CTNND1: variants seen among roughly 807,000 people sequenced by gnomAD.
CTNND1 encodes catenin delta-1.
A neutral mutation model predicts 112.1 loss-of-function variants in CTNND1; 16 were observed. That is an observed-to-expected ratio of 0.14 (90% CI 0.10 to 0.22). The LOEUF is 0.22. Among genes scored for constraint, CTNND1 ranks in the 10% least tolerant of loss-of-function variants. The probability of loss-of-function intolerance (pLI) is 1.00; values close to 1 mark genes in which losing one functional copy is unlikely to be tolerated. For synonymous variants in CTNND1, 420 were observed against 446.5 expected, an observed-to-expected ratio of 0.94 and a Z score of 0.75; for missense variants, 1,008 against 1,257.0, an observed-to-expected ratio of 0.80 and a Z score of 3.00.
At chr11:57,778,523 A>G (rs1249288178) in intron 1 of CTNND1, among the ~76,000 whole-genome samples, 3 of 152,200 alleles carry the variant, frequency 2.0e-5, no homozygotes, top group Non-Finnish European at 4.4e-5. Flanking sequence ...TTTTAGATCC[A>G]CACACAGTCT....
rs535787222 is a variant in CTNND1 at position 57,782,547 on chromosome 11, A to C, written c.-213-6490A>C. Among the ~76,000 whole-genome samples, 172 of 152,360 alleles carry C rather than the reference A, an allele frequency of 1.1e-3. 1 individual carries two copies. The highest frequency in any genetic ancestry group is 3.7e-3 in the African/African-American group (154 of 41,598). Reference sequence around the variant, plus strand: ...AAAAATGGAAGTGAGGTACAGAAACAGCTGGATTGGTTATGGCTCAGCTGG... The same window carrying C: ...AAAAATGGAAGTGAGGTACAGAAACCGCTGGATTGGTTATGGCTCAGCTGG... On this transcript the variant is annotated intron_variant, in intron 1 of 20. Transcript: ENST00000399050.
chr11:57,797,703 G>A (rs532064922), intron 6 of CTNND1, among the ~76,000 whole-genome samples: 8 of 150,806 alleles, frequency 5.3e-5, no homozygotes, highest in Non-Finnish European at 1.2e-4. Flanking sequence ...TTAGCTGGGC[G>A]TAGTGGTGCA....
Position 57,795,633 on chromosome 11 carries a change from T to A in CTNND1, c.324T>A (p.Ile108=). 2 of 1,608,894 alleles carry A rather than the reference T, an allele frequency of 1.2e-6. No individual in the cohort carries two copies. The highest frequency in any genetic ancestry group is 1.7e-6 in the Non-Finnish European group (2 of 1,177,868). The change falls in exon 5 of 21, where the codon ATT becomes ATA. Residue 108 remains isoleucine (I), a synonymous_variant. Coordinates refer to ENST00000399050, the MANE Select transcript of CTNND1 (RefSeq NM_001085458.2). ...CCAGGATGCAGGAGCCGGGGCAGAT[T>A]GTGGAGACCTACACGGAGGAGGATC... ...TIPRMQEPGQ[I]VETYTEEDPE...
rs774849647 is a variant in CTNND1, at chr11:57,816,356, G to A, written c.*48G>A. On this transcript the variant is annotated 3_prime_UTR_variant, in exon 21 of 21. Coordinates refer to ENST00000399050, the MANE Select transcript of CTNND1 (RefSeq NM_001085458.2). Reference sequence around the variant, plus strand: ...GGGCTTATATGTACTTTTATTTTTTGGTGGTGAAATTGACTGATGATTTTC... The same window carrying A: ...GGGCTTATATGTACTTTTATTTTTTAGTGGTGAAATTGACTGATGATTTTC... 6.2e-7 allele frequency: 1 copy of A among 1,610,210 alleles called. No individual in the cohort carries two copies. Among genetic ancestry groups the A allele is most frequent in the Non-Finnish European group, 8.5e-7 (1 of 1,177,118 alleles).
intron 9 of CTNND1, 23 bp from the exon 10 acceptor site, chr11:57,805,857 TCA>T (rs1401124661): frequency 6.2e-7 from 1 of 1,604,228 alleles, no homozygotes. Context: ...TTCTTTTTTC[TCA>T]TTGGCCCTTT....
rs762247057 is a variant in CTNND1 at position 57,811,393 on chromosome 11, C to G, written c.2551-6C>G. On this transcript the variant is annotated splice_polypyrimidine_tract_variant and splice_region_variant and intron_variant, in intron 16 of 20. Transcript: ENST00000399050. Reference sequence around the variant, plus strand: ...GTCACATTGTCGCATTTGTGTTTGCCTCTAGGTGAATCTAAACAATGCTTC... The same window carrying G: ...GTCACATTGTCGCATTTGTGTTTGCGTCTAGGTGAATCTAAACAATGCTTC... 9.8e-5 allele frequency: 157 copies of G among 1,609,048 alleles called. No homozygotes were observed. The highest frequency in any genetic ancestry group is 1.3e-4 in the Non-Finnish European group (152 of 1,176,116).
chr11:57,803,568 C>T (rs1370351409), intron 7 of CTNND1, 53 bp from the exon 8 acceptor site: 31 of 1,407,598 alleles, frequency 2.2e-5, no homozygotes, highest in Non-Finnish European at 2.8e-5. Context: ...TGACGTTCTT[C>T]AGACATATTG....
chr11:57,761,835 T>G lies in CTNND1; in HGVS notation c.-498T>G. ...TTGTCACCACCCAGGCTCCCTTGCC[T>G]TTGGCTGGGTGCAACTTCCATTTTA... On this transcript the variant is annotated 5_prime_UTR_variant, in exon 1 of 21. Transcript: ENST00000399050. 1 of 985,226 alleles carries G rather than the reference T, an allele frequency of 1.0e-6. No individual in the cohort carries two copies. Among genetic ancestry groups the G allele is most frequent in the African/African-American group, 1.7e-5 (1 of 57,278 alleles). 61.0% of individuals were successfully genotyped at this position (985,226 alleles called of 1,614,324 possible). A position where few individuals can be genotyped will look rare whatever the true frequency, so the allele number is the denominator to read the frequency against.
At chr11:57,768,672 C>T (rs982456284) in intron 1 of CTNND1, among the ~76,000 whole-genome samples, 3 of 151,952 alleles carry the variant, frequency 2.0e-5, no homozygotes, top group Non-Finnish European at 4.4e-5. Context: ...GGATTACAGG[C>T]GTGAGCCACC....
intron 6 of CTNND1, among the ~76,000 whole-genome samples, chr11:57,797,842 C>CAAAAAAA (rs771815069): frequency 7.3e-5 from 5 of 68,902 alleles, no homozygotes; most frequent in East Asian, 4.9e-4. Context: ...AACTCCACCT[C>CAAAAAAA]AAAAAAAAAA....
intron 3 of CTNND1, among the ~76,000 whole-genome samples, chr11:57,792,012 C>CA (rs1201476824): frequency 2.0e-5 from 3 of 151,916 alleles, no homozygotes; most frequent in African/African-American, 4.8e-5. Context: ...TTCTTGGTAT[C>CA]AAAAAATCAG....
In CTNND1 at chr11:57,817,649, T is replaced by C. The variant is rs1414822256; in HGVS notation, c.*1341T>C. ...AATCCTATTCTGATGAATCTCAAAG[T>C]AAGGCTGGTAAGAGAAGTGAGTGGT... On this transcript the variant is annotated 3_prime_UTR_variant, in exon 21 of 21. Coordinates refer to ENST00000399050, the MANE Select transcript of CTNND1 (RefSeq NM_001085458.2). The C allele has an allele frequency of 6.6e-6, 1 of 152,548 alleles. No individual in the cohort carries two copies. The highest frequency in any genetic ancestry group is 2.4e-5 in the African/African-American group (1 of 41,426). The allele number at this position is 152,548 out of a possible 1,614,324, so 9.4% of individuals were successfully genotyped here. A position where few individuals can be genotyped will look rare whatever the true frequency, so the allele number is the denominator to read the frequency against.
intron 1 of CTNND1, among the ~76,000 whole-genome samples, chr11:57,779,924 A>G (rs1332492668): frequency 1.3e-5 from 2 of 152,128 alleles, no homozygotes; most frequent in Non-Finnish European, 2.9e-5. Flanking sequence ...AAATTGAGTA[A>G]GGTTTTGTTC....
chr11:57,812,353 C>G (rs1193815538), intron 17 of CTNND1, among the ~76,000 whole-genome samples: 1 of 152,092 alleles, frequency 6.6e-6, no homozygotes, highest in African/African-American at 2.4e-5. Context: ...AACCCCGTCT[C>G]TACTAAAAAT....
intron 2 of CTNND1, 58 bp from the exon 3 acceptor site, chr11:57,791,327 C>T (rs2136679801): frequency 7.9e-7 from 1 of 1,258,890 alleles, no homozygotes; most frequent in African/African-American, 1.6e-5. Flanking sequence ...ATTAATAATT[C>T]ATCTGTCTTC....
intron 1 of CTNND1, among the ~76,000 whole-genome samples, chr11:57,778,687 T>C (rs184906473): frequency 5.1e-4 from 78 of 152,354 alleles, no homozygotes; most frequent in Non-Finnish European, 7.9e-4. Context: ...TGGAATGCAG[T>C]TGGCCTGCAG....
intron 2 of CTNND1, 34 bp from the exon 3 acceptor site, chr11:57,791,351 C>G: frequency 7.5e-7 from 1 of 1,333,416 alleles, no homozygotes. Flanking sequence ...GACCTGTGAC[C>G]TTTTCTCTCC....
intron 4 of CTNND1, among the ~76,000 whole-genome samples, chr11:57,795,191 C>T (rs142809617): frequency 1.3e-5 from 2 of 152,296 alleles, no homozygotes; most frequent in East Asian, 3.9e-4. Context: ...GAGACCCTAT[C>T]TCAAGTAAAT....
chr11:57,789,023 A>G lies in CTNND1; in HGVS notation c.-213-14A>G. ...TTCCTCTCATTCCCATTTTTCCTTC[A>G]AATATTTCTGCAGCTCTCTCCTTCC... On this transcript the variant is annotated splice_polypyrimidine_tract_variant and intron_variant, in intron 1 of 20. Transcript: ENST00000399050. 1 of 1,524,512 alleles carries G rather than the reference A, an allele frequency of 6.6e-7. No homozygotes were observed. Among genetic ancestry groups the G allele is most frequent in the South Asian group, 1.2e-5 (1 of 83,808 alleles). The allele number at this position is 1,524,512 out of a possible 1,614,324, so 94.4% of individuals were successfully genotyped here.
Sources: gnomAD v4.1 joint callset for allele counts (sites outside exome capture counted in the v4.1 genomes callset) on GRCh38, gnomAD v4.1.1 for gene constraint, MANE v1.5 for transcripts, NCBI Gene and HGNC (gene_info 2026-07-23, HGNC 2026-07-21) for gene names.